Variants in RYR2 observed in about 807,000 individuals in gnomAD.
RYR2 encodes ryanodine receptor 2, also known as cardiac muscle ryanodine receptor-calcium release channel.
Under a neutral mutation model 601.1 loss-of-function variants are expected in RYR2, and 227 were observed. That is an observed-to-expected ratio of 0.38 (90% CI 0.34 to 0.42). The LOEUF is 0.42. RYR2 is among the 10% of genes least tolerant of loss of function. The pLI is 1.00. For synonymous variants in RYR2, 2,223 were observed against 2,175.1 expected (o/e 1.02, Z -0.61); for missense variants, 4,646 against 6,156.5 (o/e 0.75, Z 8.21).
At chr1:237,482,613 T>A (rs984261187) in intron 17 of RYR2, among the ~76,000 whole-genome samples, 2 of 152,156 alleles carry the variant, frequency 1.3e-5, no homozygotes, top group Non-Finnish European at 2.9e-5. Context: ...CAGACGGACA[T>A]TTAGGTTGCT....
intron 12 of RYR2, among the ~76,000 whole-genome samples, chr1:237,430,466 G>A (rs1384590430): frequency 6.6e-6 from 1 of 151,918 alleles, no homozygotes; most frequent in Non-Finnish European, 1.5e-5. Flanking sequence ...ACTTGTGTTT[G>A]TATATGATTT....
chr1:237,251,721 T>G (rs1572363919), intron 1 of RYR2, among the ~76,000 whole-genome samples: 1 of 152,302 alleles, frequency 6.6e-6, no homozygotes, highest in East Asian at 1.9e-4. Flanking sequence ...ACATTTTTCT[T>G]GAATTCCAGA....
At chr1:237,444,589 T>C (rs1708171461) in intron 13 of RYR2, among the ~76,000 whole-genome samples, 3 of 152,296 alleles carry the variant, frequency 2.0e-5, no homozygotes, top group Admixed American at 2.0e-4. Context: ...AACTGATCTG[T>C]GCTGTCAAAA....
chr1:237,213,915 C>CTTTTTTTTTTTTT (rs71180008), intron 1 of RYR2, among the ~76,000 whole-genome samples: 6 of 65,484 alleles, frequency 9.2e-5, no homozygotes, highest in Admixed American at 2.0e-4. Context: ...TTTTCTTTTT[C>CTTTTTTTTTTTTT]TTTTTTTTTT....
intron 35 of RYR2, among the ~76,000 whole-genome samples, chr1:237,606,251 A>C (rs1156385777): frequency 6.6e-6 from 1 of 152,216 alleles, no homozygotes; most frequent in African/African-American, 2.4e-5. Flanking sequence ...CAGAGCCCTC[A>C]GAAACAACAC....
At chr1:237,442,065 CAAGGATGTG>C (rs1410311273) in intron 13 of RYR2, among the ~76,000 whole-genome samples, 2 of 152,152 alleles carry the variant, frequency 1.3e-5, no homozygotes, top group African/African-American at 4.8e-5. Flanking sequence ...CATGTATTTT[CAAGGATGTG>C]GAGTTATAAT....
At chr1:237,261,292 C>T (rs1373036333) in intron 1 of RYR2, among the ~76,000 whole-genome samples, 2 of 152,182 alleles carry the variant, frequency 1.3e-5, no homozygotes, top group Admixed American at 6.5e-5. Flanking sequence ...TGCCTTTCTA[C>T]ACTCTACATT....
At chr1:237,676,584 A>G (rs931713626) in intron 60 of RYR2, among the ~76,000 whole-genome samples, 4 of 152,198 alleles carry the variant, frequency 2.6e-5, no homozygotes, top group African/African-American at 9.6e-5. Context: ...AGGAGCAGAT[A>G]GAGCTGTGAT....
At position 237,312,354 on chromosome 1, in the gene RYR2, A is replaced by G. The variant is rs1436881320; in HGVS notation, c.169-18524A>G. Among the ~76,000 whole-genome samples, 3 of 152,212 alleles carry G rather than the reference A, an allele frequency of 2.0e-5. No homozygotes were observed. The East Asian group carries it at 5.8e-4, about 29-fold the overall frequency. On this transcript the variant is annotated intron_variant, in intron 2 of 104. Transcript: ENST00000366574. Reference sequence around the variant, plus strand: ...TATAAAATCTGAATAGTATTTTATAATGAGATGTGCAATGACTTTACTGTG... The same window carrying G: ...TATAAAATCTGAATAGTATTTTATAGTGAGATGTGCAATGACTTTACTGTG...
intron 1 of RYR2, among the ~76,000 whole-genome samples, chr1:237,165,772 C>T (rs1042746325): frequency 1.2e-4 from 18 of 151,882 alleles, no homozygotes; most frequent in African/African-American, 3.1e-4. Flanking sequence ...GAGGCTGAGG[C>T]GGGAGGATCA....
chr1:237,406,336 C>A (rs1026288531), intron 10 of RYR2, among the ~76,000 whole-genome samples: 1 of 150,530 alleles, frequency 6.6e-6, no homozygotes, highest in African/African-American at 2.4e-5. Flanking sequence ...GATACAGGAA[C>A]TTTGGTGTTT....
intron 1 of RYR2, among the ~76,000 whole-genome samples, chr1:237,058,884 G>C (rs1373597218): frequency 6.6e-6 from 1 of 151,584 alleles, no homozygotes; most frequent in Non-Finnish European, 1.5e-5. Flanking sequence ...TTACTGTAGA[G>C]TGATAAAAAA....
intron 1 of RYR2, among the ~76,000 whole-genome samples, chr1:237,198,655 T>A (rs1224570262): frequency 6.6e-6 from 1 of 152,144 alleles, no homozygotes; most frequent in South Asian, 2.1e-4. Context: ...TGAACTTGAC[T>A]GCTCTTAGAG....
rs530517265 is a variant in RYR2 at position 237,717,952 on chromosome 1, C to T, written c.10495-510C>T. 2.0e-5 allele frequency among the ~76,000 whole-genome samples: 3 copies of T among 152,300 alleles called. No individual in the cohort carries two copies. In the South Asian group the frequency reaches 6.2e-4, roughly 32 times the overall value. ...ACATATTCTCCATTCCACATTGAAT[C>T]ACTGAAGCTCGTCACTGAACATGCA... On this transcript the variant is annotated intron_variant, in intron 72 of 104. Transcript: ENST00000366574.
At chr1:237,208,310 A>T (rs921413765) in intron 1 of RYR2, among the ~76,000 whole-genome samples, 1 of 152,202 alleles carries the variant, frequency 6.6e-6, no homozygotes, top group African/African-American at 2.4e-5. Context: ...TGTTCAAGAC[A>T]TCAGGCTAAT....
intron 84 of RYR2, among the ~76,000 whole-genome samples, chr1:237,762,017 A>G (rs1014189268): frequency 2.0e-5 from 3 of 152,154 alleles, no homozygotes; most frequent in African/African-American, 7.2e-5. Context: ...GAAAAACAAC[A>G]TTTCTTATTG....
rs1237709417 is a variant in RYR2, at chr1:237,655,868, A to C, written c.8013A>C (p.Ala2671=). The change falls in exon 53 of 105, where the codon GCA becomes GCC. Residue 2671 remains alanine, a synonymous_variant. Coordinates refer to ENST00000366574, the MANE Select transcript of RYR2 (RefSeq NM_001035.3). The stretch of plus-strand genomic sequence containing the variant: ...AACTGGCACTGCCTTGCCTGAGTGC[A>C]GTTGCGGGAGCTTTGCCTCCAGACT... ...LFKLALPCLS[A]VAGALPPDYM... 3.1e-6 allele frequency: 5 copies of C among 1,609,282 alleles called. No individual in the cohort carries two copies. The highest frequency in any genetic ancestry group is 4.2e-6 in the Non-Finnish European group (5 of 1,177,504).
At chr1:237,350,838 C>A (rs532313147) in intron 3 of RYR2, among the ~76,000 whole-genome samples, 1 of 151,598 alleles carries the variant, frequency 6.6e-6, no homozygotes, top group South Asian at 2.1e-4. Context: ...ATGTATAAGA[C>A]CATCCTTCTC....
intron 27 of RYR2, among the ~76,000 whole-genome samples, chr1:237,552,140 G>A (rs1031027983): frequency 3.3e-5 from 5 of 152,054 alleles, no homozygotes; most frequent in Non-Finnish European, 7.4e-5. Context: ...ACAGAGATGT[G>A]GTACACGCAT....
Sources: allele counts gnomAD v4.1 joint callset (sites outside exome capture counted in the v4.1 genomes callset), GRCh38; gene constraint gnomAD v4.1.1; transcripts MANE v1.5; gene names NCBI Gene and HGNC (gene_info 2026-07-23, HGNC 2026-07-21).